The following UBR3 variants were observed in gnomAD, a reference collection of about 807,000 sequenced individuals.
UBR3 encodes ubiquitin protein ligase E3 component n-recognin 3.
Under a neutral mutation model 243.2 loss-of-function variants are expected in UBR3, and 85 were observed. That is an observed-to-expected ratio of 0.35 (90% CI 0.29 to 0.42). The LOEUF (loss-of-function observed/expected upper bound fraction) is 0.42, where lower values mean the gene tolerates loss of function less well. UBR3 is among the 10% of genes least tolerant of loss of function. UBR3 has a pLI of 1.00. For synonymous variants in UBR3, 748 were observed against 799.8 expected (o/e 0.94, Z 1.09); for missense variants, 1,686 against 2,300.8 (o/e 0.73, Z 5.47).
intron 1 of UBR3, among the ~76,000 whole-genome samples, chr2:169,867,294 G>A (rs1234615675): frequency 6.6e-6 from 1 of 152,084 alleles, no homozygotes; most frequent in African/African-American, 2.4e-5. Flanking sequence ...TTATAGAAGA[G>A]ATTAAATGTA....
chr2:169,895,121 T>C, intron 6 of UBR3, 60 bp from the exon 7 acceptor site: 1 of 1,428,942 alleles, frequency 7.0e-7, no homozygotes, highest in Non-Finnish European at 9.2e-7. Context: ...GGGTTATTAG[T>C]TATAAAATGA....
intron 32 of UBR3, among the ~76,000 whole-genome samples, chr2:170,047,605 A>G (rs2091120388): frequency 6.6e-6 from 1 of 152,204 alleles, no homozygotes; most frequent in Non-Finnish European, 1.5e-5. Flanking sequence ...TCAAGAGAGA[A>G]TGGAGGAGGA....
intron 31 of UBR3, among the ~76,000 whole-genome samples, chr2:170,031,990 T>C (rs952249602): frequency 6.6e-6 from 1 of 152,204 alleles, no homozygotes. Flanking sequence ...TACATGCAAG[T>C]ACATGTGTCT....
Position 169,891,202 on chromosome 2 carries a change from A to G in UBR3, c.1076A>G (p.Lys359Arg), listed in dbSNP as rs1266276142. The change falls in exon 6 of 39, where the codon AAA becomes AGA. Residue 359 changes from lysine (K) to arginine (R), a missense_variant. Coordinates refer to ENST00000272793, the MANE Select transcript of UBR3 (RefSeq NM_172070.4). ...GGTAGTCAAGGTCTGGGCAAGAGAA[A>G]AAGGGTAAAACTAAGCAGTGGCACC... is the stretch of plus-strand genomic sequence containing the variant. ...QDGSQGLGKR[K>R]RVKLSSGTKD... 1 of 1,550,036 alleles carries G rather than the reference A, an allele frequency of 6.5e-7. No individual in the cohort carries two copies. Among genetic ancestry groups the G allele is most frequent in the Non-Finnish European group, 8.7e-7 (1 of 1,145,978 alleles).
chr2:170,030,770 A>G (rs2090646603), intron 31 of UBR3, among the ~76,000 whole-genome samples: 1 of 152,062 alleles, frequency 6.6e-6, no homozygotes, highest in African/African-American at 2.4e-5. Flanking sequence ...TTTTTCCTCA[A>G]TATTTAAAGA....
chr2:170,077,382 C>T, intron 36 of UBR3: 1 of 1,087,102 alleles, frequency 9.2e-7, no homozygotes, highest in Non-Finnish European at 1.4e-6. Flanking sequence ...AAGTTATATA[C>T]ATTGGGAATG....
chr2:169,842,856 T>C (rs940871950), intron 1 of UBR3, among the ~76,000 whole-genome samples: 3 of 152,246 alleles, frequency 2.0e-5, no homozygotes, highest in Non-Finnish European at 4.4e-5. Flanking sequence ...CTGGACACAG[T>C]AGGACATGGG....
At chr2:170,063,479 T>C (rs2091494043) in intron 35 of UBR3, among the ~76,000 whole-genome samples, 1 of 152,076 alleles carries the variant, frequency 6.6e-6, no homozygotes, top group African/African-American at 2.4e-5. Flanking sequence ...TGTTTGTGTA[T>C]ACAGTAGTAC....
intron 1 of UBR3, among the ~76,000 whole-genome samples, chr2:169,836,052 T>A (rs2082091484): frequency 2.6e-5 from 1 of 39,106 alleles, no homozygotes; most frequent in Admixed American, 3.5e-4. Context: ...TCTATATATA[T>A]ATATATATAT....
chr2:170,061,770 C>G (rs1052043872), intron 35 of UBR3, among the ~76,000 whole-genome samples: 2 of 152,072 alleles, frequency 1.3e-5, no homozygotes, highest in African/African-American at 2.4e-5. Context: ...ACTAGCCAAG[C>G]CTTGTTTTTA....
chr2:169,977,208 C>G (rs953712351), intron 24 of UBR3, among the ~76,000 whole-genome samples: 1 of 151,590 alleles, frequency 6.6e-6, no homozygotes, highest in East Asian at 1.9e-4. Flanking sequence ...ATTTTTTTTC[C>G]TGGCAATTTG....
chr2:170,037,071 T>G (rs1222622771), intron 31 of UBR3, among the ~76,000 whole-genome samples: 3 of 152,156 alleles, frequency 2.0e-5, no homozygotes, highest in Non-Finnish European at 4.4e-5. Context: ...ACCTGTAGTG[T>G]TAGGTGAAGA....
At chr2:169,924,752 A>C (rs1404853206) in intron 13 of UBR3, among the ~76,000 whole-genome samples, 1 of 152,146 alleles carries the variant, frequency 6.6e-6, no homozygotes, top group Admixed American at 6.6e-5. Flanking sequence ...TGACTGCTTG[A>C]AGCCAGGTGT....
At chr2:169,906,223 T>C (rs2085004109) in intron 10 of UBR3, 59 bp downstream of exon 10, 2 of 1,498,912 alleles carry the variant, frequency 1.3e-6, no homozygotes, top group African/African-American at 1.4e-5. Context: ...GTGAAAATAT[T>C]GGTTTGTTCA....
Position 169,994,430 on chromosome 2 carries a change from T to C in UBR3, c.3892T>C (p.Ser1298Pro). The C allele has an allele frequency of 6.2e-7, 1 of 1,614,156 alleles. No individual in the cohort carries two copies. The highest frequency in any genetic ancestry group is 8.5e-7 in the Non-Finnish European group (1 of 1,179,990). ...TGCAGCCGTTCATGATGTGAGGCTT[T>C]CATTATTACAGCGTTATTTTAAGGA... ...TCAAVHDVRL[S>P]LLQRYFKDSS... Residue 1298 changes from serine to proline, a missense_variant, in exon 26 of 39, where the codon TCA (serine) becomes CCA (proline). By Grantham distance (74) the Ser-to-Pro change is moderately conservative (BLOSUM62 -1). This residue lies in a region of UBR3 where 156 missense variants were observed against 246.3 expected (regional missense o/e 0.63). Transcript: ENST00000272793.
intron 1 of UBR3, among the ~76,000 whole-genome samples, chr2:169,838,822 A>G (rs1207257593): frequency 1.3e-5 from 2 of 152,214 alleles, no homozygotes; most frequent in Non-Finnish European, 2.9e-5. Context: ...ACTCAAAGAT[A>G]CGCTTCATCC....
chr2:169,980,206 G>A (rs529769976), intron 24 of UBR3, among the ~76,000 whole-genome samples: 15 of 152,298 alleles, frequency 9.8e-5, no homozygotes, highest in East Asian at 1.9e-4. Context: ...ATTTCTCGCC[G>A]TTGGAGTAAG....
Position 170,068,151 on chromosome 2 carries a change from G to A in UBR3, c.5020-5277G>A, listed in dbSNP as rs151036211. Reference sequence around the variant, plus strand: ...TCCAGCTAAAGCAGTTCTTAGAGGCGTATTTATCACTTCAAATACTTTATT... The same window carrying A: ...TCCAGCTAAAGCAGTTCTTAGAGGCATATTTATCACTTCAAATACTTTATT... On this transcript the variant is annotated intron_variant, in intron 35 of 38. Transcript: ENST00000272793. Among the ~76,000 whole-genome samples the A allele has an allele frequency of 7.9e-5, 12 of 151,314 alleles. No homozygotes were observed. The East Asian group carries it at 1.2e-3, about 15-fold the overall frequency.
At chr2:169,900,796 T>C (rs1429325578) in intron 8 of UBR3, among the ~76,000 whole-genome samples, 1 of 152,082 alleles carries the variant, frequency 6.6e-6, no homozygotes, top group African/African-American at 2.4e-5. Flanking sequence ...TTCGTATCCT[T>C]ACCTACCTCA....
Sources: allele counts gnomAD v4.1 joint callset (sites outside exome capture counted in the v4.1 genomes callset), GRCh38; gene constraint gnomAD v4.1.1; regional missense constraint gnomAD v4.1.1; transcripts MANE v1.5; gene names NCBI Gene and HGNC (gene_info 2026-07-23, HGNC 2026-07-21).